KLHL13: variants seen among roughly 807,000 people sequenced by gnomAD.
KLHL13 encodes the protein kelch-like protein 13.
In KLHL13, 10 loss-of-function variants were observed where a neutral mutation model predicts 37.1. The observed-to-expected ratio is 0.27, with a 90% CI of 0.17 to 0.46. KLHL13 has a LOEUF of 0.46. Among genes scored for constraint, KLHL13 ranks in the 20% least tolerant of loss-of-function variants. The probability of loss-of-function intolerance (pLI) is 1.00; values close to 1 mark genes in which losing one functional copy is unlikely to be tolerated. For synonymous variants in KLHL13, 163 were observed against 181.2 expected (o/e 0.90, Z 0.81); for missense variants, 360 against 509.3 (o/e 0.71, Z 2.82).
Position 118,095,027 on chromosome X carries a change from T to TTC in KLHL13, c.-56+21479_-56+21480dup, listed in dbSNP as rs1353938467. On this transcript the variant is annotated intron_variant, in intron 1 of 6. Coordinates refer to the KLHL13 transcript ENST00000371882. ...CTAACATCATAATGACAGGATCAAATTCACACATAACAATATTAACCTTAA... is the reference window on the plus strand; with the variant it reads ...CTAACATCATAATGACAGGATCAAATTCTCACACATAACAATATTAACCTTAA... Among the ~76,000 whole-genome samples the TTC allele has an allele frequency of 6.3e-5, 7 of 111,189 alleles. No homozygotes were observed. The East Asian group carries it at 2.0e-3, about 31-fold the overall frequency.
exon 6 of KLHL13, chrX:117,901,911 A>G: frequency 3.4e-6 from 4 of 1,188,013 alleles, no homozygotes; most frequent in Non-Finnish European, 4.6e-6. Flanking sequence ...ACATAGGTCC[A>G]TTCATTTGTT....
chrX:117,935,536 CTA>C (rs1157789441), intron 2 of KLHL13, among the ~76,000 whole-genome samples: 1 of 111,922 alleles, frequency 8.9e-6, no homozygotes, highest in African/African-American at 3.3e-5. Flanking sequence ...ATTCCACAGG[CTA>C]TACAGGAAGC....
intron 1 of KLHL13, among the ~76,000 whole-genome samples, chrX:118,105,959 T>C (rs1419031564): frequency 1.0e-5 from 1 of 95,286 alleles, no homozygotes; most frequent in Non-Finnish European, 2.0e-5. Flanking sequence ...TGGAGTGCAG[T>C]AGCGCGATCT....
chrX:118,061,992 A>G (rs997868027), intron 1 of KLHL13, among the ~76,000 whole-genome samples: 3 of 111,252 alleles, frequency 2.7e-5, no homozygotes. Context: ...AGAGACATCT[A>G]CTGCCCCATC....
At chrX:118,089,899 T>C (rs1394064789) in intron 1 of KLHL13, among the ~76,000 whole-genome samples, 1 of 109,305 alleles carries the variant, frequency 9.1e-6, no homozygotes, top group African/African-American at 3.3e-5. Flanking sequence ...GCCAACATGG[T>C]GAAACCCCGT....
chrX:118,024,292 G>C (rs1302345233), intron 1 of KLHL13, among the ~76,000 whole-genome samples: 1 of 112,206 alleles, frequency 8.9e-6, no homozygotes, highest in African/African-American at 3.2e-5. Context: ...CATTTATAAT[G>C]TGAGGGCTAA....
chrX:118,050,028 T>C (rs1178747346), intron 1 of KLHL13, among the ~76,000 whole-genome samples: 1 of 112,515 alleles, frequency 8.9e-6, no homozygotes, highest in Non-Finnish European at 1.9e-5. Context: ...CTGCTTAATA[T>C]CATTCCTCCC....
intron 1 of KLHL13, among the ~76,000 whole-genome samples, chrX:118,100,922 G>T (rs2055280985): frequency 9.0e-6 from 1 of 111,189 alleles, no homozygotes; most frequent in Admixed American, 9.6e-5. Flanking sequence ...TATTCCTTCG[G>T]CAATTTTTTC....
intron 5 of KLHL13, among the ~76,000 whole-genome samples, chrX:117,906,657 T>C (rs1298047899): frequency 9.0e-6 from 1 of 111,378 alleles, no homozygotes; most frequent in African/African-American, 3.3e-5. Flanking sequence ...TCACAAAATA[T>C]TTTTTAAACT....
At chrX:118,021,766 C>G (rs188872805) in intron 1 of KLHL13, among the ~76,000 whole-genome samples, 5 of 111,070 alleles carry the variant, frequency 4.5e-5, no homozygotes, top group African/African-American at 1.7e-4. Flanking sequence ...AATAGGATGG[C>G]TGGGTCAAAT....
At chrX:118,099,075 G>T (rs1003221933) in intron 1 of KLHL13, among the ~76,000 whole-genome samples, 4 of 108,974 alleles carry the variant, frequency 3.7e-5, no homozygotes, top group Admixed American at 2.9e-4. Flanking sequence ...AAACCTGCAC[G>T]TTGTGCACAT....
intron 1 of KLHL13, among the ~76,000 whole-genome samples, chrX:117,988,949 T>C (rs926178089): frequency 8.9e-6 from 1 of 111,939 alleles, no homozygotes; most frequent in Non-Finnish European, 1.9e-5. Flanking sequence ...ATAGTTACAC[T>C]GAGAATTTGA....
chrX:118,091,538 GAC>G (rs1313510746), intron 1 of KLHL13, among the ~76,000 whole-genome samples: 1 of 111,186 alleles, frequency 9.0e-6, no homozygotes, highest in Non-Finnish European at 1.9e-5. Context: ...GAATGGAAAA[GAC>G]AGAGGAAAAA....
chrX:118,059,853 A>G (rs2054722846), intron 1 of KLHL13, among the ~76,000 whole-genome samples: 1 of 111,306 alleles, frequency 9.0e-6, no homozygotes, highest in African/African-American at 3.3e-5. Context: ...GGGCCCTGCA[A>G]ATAAGCTATC....
intron 1 of KLHL13, among the ~76,000 whole-genome samples, chrX:118,052,308 T>C (rs1192463231): frequency 2.0e-5 from 2 of 100,542 alleles, no homozygotes; most frequent in Non-Finnish European, 2.0e-5. Flanking sequence ...GGTCAGGAGA[T>C]CGAGACCATC....
chrX:118,076,831 CT>C (rs761215546), intron 1 of KLHL13, among the ~76,000 whole-genome samples: 12 of 109,481 alleles, frequency 1.1e-4, no homozygotes, highest in African/African-American at 3.6e-4. Flanking sequence ...TCCTTAAAAT[CT>C]TTTTTCTCTT....
chrX:118,040,047 C>T (rs999557496), intron 1 of KLHL13, among the ~76,000 whole-genome samples: 6 of 111,509 alleles, frequency 5.4e-5, no homozygotes, highest in African/African-American at 2.0e-4. Flanking sequence ...GTTTGAGATG[C>T]CCATTAATGA....
intron 1 of KLHL13, among the ~76,000 whole-genome samples, chrX:117,988,607 G>T (rs761488943): frequency 8.9e-5 from 10 of 112,059 alleles, no homozygotes; most frequent in Non-Finnish European, 1.9e-4. Flanking sequence ...TAATGGGGAA[G>T]ATGGGGGTCA....
intron 1 of KLHL13, among the ~76,000 whole-genome samples, chrX:118,037,655 T>G (rs930684518): frequency 1.8e-5 from 2 of 110,759 alleles, no homozygotes; most frequent in East Asian, 5.7e-4. Context: ...GATGACGAGT[T>G]AGTGGGTGCA....
Sources: gnomAD v4.1 joint callset for allele counts (sites outside exome capture counted in the v4.1 genomes callset) on GRCh38, gnomAD v4.1.1 for gene constraint, MANE v1.5 for transcripts, NCBI Gene and HGNC (gene_info 2026-07-23, HGNC 2026-07-21) for gene names.